Variants in PATJ observed in about 807,000 individuals in gnomAD.
PATJ encodes PATJ crumbs cell polarity complex component.
In PATJ, 190 loss-of-function variants were observed where a neutral mutation model predicts 224.9. That is an observed-to-expected ratio of 0.84 (90% CI 0.75 to 0.95). The LOEUF (loss-of-function observed/expected upper bound fraction) is 0.95. PATJ is among the 40% of genes least tolerant of loss of function. The pLI, the probability that PATJ is intolerant of heterozygous loss-of-function variation, is 0.00. For missense variants in PATJ, 2,121 were observed against 2,270.3 expected, an observed-to-expected ratio of 0.93 and a Z score of 1.34; for synonymous variants, 769 against 820.3, an observed-to-expected ratio of 0.94 and a Z score of 1.07.
At chr1:62,121,354 A>ATG in intron 38 of PATJ, 59 bp downstream of exon 38, 2 of 1,099,836 alleles carry the variant, frequency 1.8e-6, no homozygotes, top group Non-Finnish European at 2.7e-6. Flanking sequence ...AAAAAAAAAA[A>ATG]TGTGTTTTTT....
At chr1:62,008,923 T>A (rs1646262365) in intron 28 of PATJ, among the ~76,000 whole-genome samples, 2 of 152,178 alleles carry the variant, frequency 1.3e-5, no homozygotes, top group Non-Finnish European at 2.9e-5. Flanking sequence ...ATAAAGATAG[T>A]TCTTCCCACC....
At chr1:61,748,566 A>T (rs1645153629) in intron 1 of PATJ, among the ~76,000 whole-genome samples, 1 of 152,056 alleles carries the variant, frequency 6.6e-6, no homozygotes, top group Non-Finnish European at 1.5e-5. Flanking sequence ...ATGTAAATGG[A>T]TTAATACTCC....
intron 22 of PATJ, among the ~76,000 whole-genome samples, chr1:61,888,656 T>C (rs1458261051): frequency 6.6e-6 from 1 of 152,192 alleles, no homozygotes; most frequent in African/African-American, 2.4e-5. Context: ...CTCTAAACTG[T>C]AGAATTGTAA....
rs1349540307 is a variant in PATJ at position 61,871,829 on chromosome 1, G to T, written c.2836-3414G>T. ...TCTGCCCACCCTGGCCTCCCAAAGT[G>T]CTGGGATTACAGGCGTGAGCCACCA... On this transcript the variant is annotated intron_variant, in intron 20 of 43. Coordinates refer to ENST00000642238, the MANE Select transcript of PATJ (RefSeq NM_001350145.3). 2.7e-5 allele frequency among the ~76,000 whole-genome samples: 4 copies of T among 149,792 alleles called. No individual in the cohort carries two copies. The East Asian group carries it at 7.9e-4, about 29-fold the overall frequency.
chr1:62,036,755 C>G (rs2148505089), intron 29 of PATJ, among the ~76,000 whole-genome samples: 1 of 150,112 alleles, frequency 6.7e-6, no homozygotes, highest in African/African-American at 2.4e-5. Context: ...GCCTGTAATC[C>G]CAGCTACTCC....
At chr1:62,037,049 G>T (rs913607314) in intron 29 of PATJ, among the ~76,000 whole-genome samples, 5 of 152,020 alleles carry the variant, frequency 3.3e-5, no homozygotes, top group African/African-American at 1.2e-4. Context: ...GTTGGATTTC[G>T]AATGCCCTCC....
chr1:62,079,633 C>T, intron 32 of PATJ, 66 bp downstream of exon 32: 1 of 1,014,508 alleles, frequency 9.9e-7, no homozygotes, highest in Non-Finnish European at 1.5e-6. Flanking sequence ...ATCATAATGT[C>T]CTAAAACGAG....
intron 27 of PATJ, among the ~76,000 whole-genome samples, chr1:61,965,639 A>G (rs1682020836): frequency 6.6e-6 from 1 of 152,174 alleles, no homozygotes; most frequent in African/African-American, 2.4e-5. Context: ...TTAACCAGTG[A>G]CGGGAGAAAT....
At chr1:61,781,223 A>G (rs691032) in intron 7 of PATJ, among the ~76,000 whole-genome samples, 7,163 of 152,224 alleles carry the variant, frequency 0.047, 588 homozygotes, top group African/African-American at 0.16. Context: ...ACACCTGTGC[A>G]CAATTGTTCA....
chr1:61,777,703 C>CTTTTTTTTTTTTTTTTTTTTTTTTTTTT (rs66470863), intron 7 of PATJ, among the ~76,000 whole-genome samples: 3 of 48,744 alleles, frequency 6.2e-5, no homozygotes, highest in Admixed American at 3.6e-4. Context: ...TTCTTTCTTT[C>CTTTTTTTTTTTTTTTTTTTTTTTTTTTT]TTTTTTTTTT....
intron 14 of PATJ, among the ~76,000 whole-genome samples, chr1:61,814,904 TC>T (rs1301931267): frequency 6.6e-6 from 1 of 152,164 alleles, no homozygotes; most frequent in Non-Finnish European, 1.5e-5. Context: ...ATTCATCCAT[TC>T]CTGAACTATT....
chr1:62,121,655 G>T (rs1665065838), intron 38 of PATJ, among the ~76,000 whole-genome samples: 1 of 152,080 alleles, frequency 6.6e-6, no homozygotes, highest in Admixed American at 6.5e-5. Context: ...TGTAGTCCCA[G>T]CTACTCAGGA....
At position 62,075,917 on chromosome 1, in the gene PATJ, C is replaced by CAAA. The variant is rs796303716; in HGVS notation, c.4126-3520_4126-3518dup. 2.2e-3 allele frequency among the ~76,000 whole-genome samples: 172 copies of CAAA among 79,882 alleles called. 1 individual carries two copies. The highest frequency in any genetic ancestry group is 6.8e-3 in the African/African-American group (164 of 24,064). The allele number at this position is 79,882 out of a possible 152,430, so 52.4% of individuals were successfully genotyped here. A position where few individuals can be genotyped will look rare whatever the true frequency, so the allele number is the denominator to read the frequency against. The stretch of plus-strand genomic sequence containing the variant: ...TGGGCAACAGAGCGAGACTCCGTCT[C>CAAA]AAAAAAAAAAAAAAAGAAAAGAAAA... On this transcript the variant is annotated intron_variant, in intron 31 of 43. Transcript: ENST00000642238.
intron 33 of PATJ, among the ~76,000 whole-genome samples, chr1:62,091,157 G>A (rs1570550184): frequency 6.6e-6 from 1 of 152,116 alleles, no homozygotes; most frequent in East Asian, 1.9e-4. Context: ...GTGAATCCCA[G>A]GATATGAATG....
intron 25 of PATJ, among the ~76,000 whole-genome samples, chr1:61,910,536 CTTTTTTTTTTTTTTTT>C (rs71050181): frequency 1.2e-4 from 5 of 42,244 alleles, no homozygotes; most frequent in Admixed American, 8.0e-4. Flanking sequence ...CAAAGTGACT[CTTTTTTTTTTTTTTTT>C]TTTTTTTTTT....
chr1:62,154,625 C>T (rs1668981417), intron 43 of PATJ, among the ~76,000 whole-genome samples: 1 of 144,812 alleles, frequency 6.9e-6, no homozygotes, highest in South Asian at 2.2e-4. Context: ...GATGCCACTA[C>T]ACTCCAGCCT....
At chr1:61,746,241 C>T (rs1175458420) in intron 1 of PATJ, among the ~76,000 whole-genome samples, 1 of 152,120 alleles carries the variant, frequency 6.6e-6, no homozygotes, top group African/African-American at 2.4e-5. Flanking sequence ...CACGCCTGGC[C>T]TCTTTTAAAA....
chr1:61,836,955 T>C (rs919260237), intron 17 of PATJ, among the ~76,000 whole-genome samples: 2 of 152,242 alleles, frequency 1.3e-5, no homozygotes, highest in African/African-American at 4.8e-5. Context: ...TTTTACGTTG[T>C]AAAGGGCTTA....
intron 26 of PATJ, among the ~76,000 whole-genome samples, chr1:61,923,489 G>GT (rs1215301365): frequency 2.6e-5 from 4 of 152,086 alleles, no homozygotes; most frequent in East Asian, 1.9e-4. Context: ...ACTAGAAGAA[G>GT]TTTTTTTTGT....
Sources: allele counts gnomAD v4.1 joint callset (sites outside exome capture counted in the v4.1 genomes callset), GRCh38; gene constraint gnomAD v4.1.1; transcripts MANE v1.5; gene names NCBI Gene and HGNC (gene_info 2026-07-23, HGNC 2026-07-21).